MAGI2: variants seen among roughly 807,000 people sequenced by gnomAD.
MAGI2 encodes membrane-associated guanylate kinase, WW and PDZ domain-containing protein 2.
MAGI2 carries 35 observed loss-of-function variants against 133.3 expected under a neutral mutation model. The observed-to-expected ratio is 0.26, with a 90% confidence interval of 0.20 to 0.35. MAGI2 has a LOEUF of 0.35. Ranked by LOEUF, MAGI2 falls within the 10% of genes least tolerant of loss-of-function variation. The pLI is 1.00. For synonymous variants in MAGI2, 729 were observed against 710.6 expected (o/e 1.03, Z -0.41); for missense variants, 1,636 against 1,863.4 (o/e 0.88, Z 2.25).
At chr7:78,652,672 C>A (rs1032786894) in intron 2 of MAGI2, among the ~76,000 whole-genome samples, 19 of 152,016 alleles carry the variant, frequency 1.2e-4, no homozygotes, top group African/African-American at 4.6e-4. Context: ...GACCTAAAAC[C>A]ATGAAAACCG....
intron 1 of MAGI2, among the ~76,000 whole-genome samples, chr7:79,389,235 C>A (rs1585802938): frequency 6.6e-6 from 1 of 151,832 alleles, no homozygotes; most frequent in East Asian, 1.9e-4. Context: ...ATATCAAGGA[C>A]AATTTCAAAT....
At chr7:79,379,423 C>T (rs1036585411) in intron 1 of MAGI2, among the ~76,000 whole-genome samples, 81 of 151,956 alleles carry the variant, frequency 5.3e-4, no homozygotes, top group African/African-American at 1.9e-3. Flanking sequence ...AGTAAACATA[C>T]GTGTGCATGT....
At chr7:78,592,520 T>C (rs1214654709) in intron 3 of MAGI2, among the ~76,000 whole-genome samples, 1 of 152,076 alleles carries the variant, frequency 6.6e-6, no homozygotes, top group African/African-American at 2.4e-5. Context: ...AGGAATTTTA[T>C]TGAACATATT....
rs1815425895 is a variant in MAGI2 at position 79,075,958 on chromosome 7, A to T, written c.302-68752T>A. ...TCAAATAATATGATACTTTAAAAAA[A>T]ATCTGTATCCAGAGCCACTTACATC... is the stretch of plus-strand genomic sequence containing the variant. On this transcript the variant is annotated intron_variant, in intron 1 of 21. Transcript: ENST00000354212. 2.6e-5 allele frequency among the ~76,000 whole-genome samples: 4 copies of T among 152,230 alleles called. No individual in the cohort carries two copies. The South Asian group carries it at 8.3e-4, about 32-fold the overall frequency.
intron 10 of MAGI2, among the ~76,000 whole-genome samples, chr7:78,202,682 C>CAAAAAAAAA (rs59358280): frequency 1.4e-5 from 1 of 70,530 alleles, no homozygotes; most frequent in Non-Finnish European, 2.5e-5. Context: ...GACTCTGTCT[C>CAAAAAAAAA]AAAAAAAAAA....
chr7:78,797,697 T>G (rs927188766), intron 2 of MAGI2, among the ~76,000 whole-genome samples: 1 of 152,184 alleles, frequency 6.6e-6, no homozygotes, highest in Non-Finnish European at 1.5e-5. Context: ...GTTATATCTT[T>G]GCTATACATC....
At chr7:78,172,048 T>C (rs914372279) in intron 14 of MAGI2, among the ~76,000 whole-genome samples, 3 of 152,190 alleles carry the variant, frequency 2.0e-5, no homozygotes, top group African/African-American at 7.2e-5. Flanking sequence ...ACAAAACAAT[T>C]CTACTTTATC....
intron 2 of MAGI2, among the ~76,000 whole-genome samples, chr7:78,876,256 A>T (rs997274992): frequency 1.4e-5 from 2 of 144,864 alleles, no homozygotes. Context: ...CAGGAGGTGG[A>T]CATTGTAGTG....
At chr7:78,318,308 A>G (rs1331561243) in intron 9 of MAGI2, among the ~76,000 whole-genome samples, 1 of 152,222 alleles carries the variant, frequency 6.6e-6, no homozygotes, top group African/African-American at 2.4e-5. Context: ...AAACACAGCA[A>G]GAGAACTTCA....
At chr7:78,445,233 C>T (rs1403782724) in intron 6 of MAGI2, among the ~76,000 whole-genome samples, 1 of 151,958 alleles carries the variant, frequency 6.6e-6, no homozygotes, top group African/African-American at 2.4e-5. Context: ...CAACTATCTG[C>T]CCTCCTCAAC....
At chr7:78,061,094 G>C (rs924268077) in intron 21 of MAGI2, among the ~76,000 whole-genome samples, 3 of 150,748 alleles carry the variant, frequency 2.0e-5, no homozygotes, top group African/African-American at 7.3e-5. Context: ...AACCCAGAAG[G>C]CAGAGATTCC....
At chr7:79,384,931 T>C (rs552769290) in intron 1 of MAGI2, among the ~76,000 whole-genome samples, 136 of 151,868 alleles carry the variant, frequency 9.0e-4, no homozygotes, top group Non-Finnish European at 2.5e-4. Flanking sequence ...ATTTCACAGA[T>C]AGTTTCTGTT....
chr7:78,989,313 G>T (rs1378604518), intron 2 of MAGI2, among the ~76,000 whole-genome samples: 1 of 152,044 alleles, frequency 6.6e-6, no homozygotes, highest in East Asian at 1.9e-4. Context: ...ATTTTGGATT[G>T]TAATTACCTG....
At chr7:78,270,331 C>A (rs1794443188) in intron 9 of MAGI2, among the ~76,000 whole-genome samples, 1 of 152,144 alleles carries the variant, frequency 6.6e-6, no homozygotes, top group South Asian at 2.1e-4. Context: ...ATGGGGATAG[C>A]ATTGAGTCTA....
chr7:78,658,368 A>C (rs1176581893), intron 2 of MAGI2, among the ~76,000 whole-genome samples: 1 of 152,208 alleles, frequency 6.6e-6, no homozygotes, highest in African/African-American at 2.4e-5. Flanking sequence ...TGTAAAATGT[A>C]AAACTATAAA....
chr7:79,344,045 G>A (rs1841119262), intron 1 of MAGI2, among the ~76,000 whole-genome samples: 1 of 152,078 alleles, frequency 6.6e-6, no homozygotes, highest in Non-Finnish European at 1.5e-5. Flanking sequence ...TATAGGTAAG[G>A]TAAGTAAGTG....
intron 12 of MAGI2, among the ~76,000 whole-genome samples, chr7:78,187,833 C>T (rs1827838120): frequency 6.6e-6 from 1 of 152,174 alleles, no homozygotes; most frequent in South Asian, 2.1e-4. Context: ...CGAGGACCTA[C>T]TTGCCATCTA....
intron 20 of MAGI2, among the ~76,000 whole-genome samples, chr7:78,114,084 T>C (rs1310214428): frequency 6.6e-6 from 1 of 152,238 alleles, no homozygotes; most frequent in Non-Finnish European, 1.5e-5. Context: ...CAGTGAGTTG[T>C]TGAGCCAGTA....
chr7:79,443,273 T>A (rs1438222827), intron 1 of MAGI2, among the ~76,000 whole-genome samples: 1 of 111,564 alleles, frequency 9.0e-6, no homozygotes, highest in East Asian at 2.5e-4. Context: ...AGTGTGTGTG[T>A]GTGTGTGTGT....
Sources: gnomAD v4.1 joint callset for allele counts (sites outside exome capture counted in the v4.1 genomes callset) on GRCh38, gnomAD v4.1.1 for gene constraint, MANE v1.5 for transcripts, NCBI Gene and HGNC (gene_info 2026-07-23, HGNC 2026-07-21) for gene names.